The following SKI variants were observed in gnomAD, a reference collection of about 807,000 sequenced individuals.
SKI encodes the protein SKI proto-oncogene.
Under a neutral mutation model 59.3 loss-of-function variants are expected in SKI, and 23 were observed. The observed-to-expected ratio is 0.39, with a 90% confidence interval of 0.28 to 0.55. SKI has a LOEUF of 0.55. SKI is among the 20% of genes least tolerant of loss of function. The pLI is 0.67. For missense variants in SKI, 1,017 were observed against 1,038.9 expected (o/e 0.98, Z 0.29); for synonymous variants, 673 against 488.6 (o/e 1.38, Z -4.98).
chr1:2,285,673 T>C (rs539576384), intron 1 of SKI, among the ~76,000 whole-genome samples: 3 of 150,350 alleles, frequency 2.0e-5, no homozygotes, highest in Admixed American at 2.0e-4. Context: ...CAGGCAGTTC[T>C]CTGCCTCAGC....
chr1:2,259,535 GT>G (rs1639339514), intron 1 of SKI, among the ~76,000 whole-genome samples: 1 of 152,176 alleles, frequency 6.6e-6, no homozygotes, highest in African/African-American at 2.4e-5. Context: ...TTGCTGTGTA[GT>G]TATTTTTTAA....
intron 1 of SKI, among the ~76,000 whole-genome samples, chr1:2,276,515 C>T (rs1639747024): frequency 1.3e-5 from 2 of 152,246 alleles, no homozygotes; most frequent in Admixed American, 6.5e-5. Context: ...CCTGTCTGTG[C>T]CTCTAGAGGC....
At position 2,271,303 on chromosome 1, in the gene SKI, C is replaced by T. The variant is rs532437049; in HGVS notation, c.970-31675C>T. On this transcript the variant is annotated intron_variant, in intron 1 of 6. Coordinates refer to ENST00000378536, the MANE Select transcript of SKI (RefSeq NM_003036.4). ...TGTCCTCCCCTCAGAAGAGTCTGCT[C>T]GGTGGGGGAGCCGCAGGGGGCTGCT... Among the ~76,000 whole-genome samples the T allele has an allele frequency of 1.1e-4, 16 of 152,168 alleles. No homozygotes were observed. The South Asian group carries it at 1.7e-3, about 16-fold the overall frequency.
chr1:2,297,972 G>A (rs1640326202), intron 1 of SKI, among the ~76,000 whole-genome samples: 1 of 152,224 alleles, frequency 6.6e-6, no homozygotes, highest in Non-Finnish European at 1.5e-5. Context: ...GCCTTGGGGT[G>A]TAGCCGCAAG....
chr1:2,236,979 T>C (rs944367972), intron 1 of SKI, among the ~76,000 whole-genome samples: 2 of 152,200 alleles, frequency 1.3e-5, no homozygotes, highest in Non-Finnish European at 2.9e-5. Flanking sequence ...CAGCTCAGGC[T>C]GGCGGCCTCA....
intron 1 of SKI, among the ~76,000 whole-genome samples, chr1:2,289,724 C>T (rs1309932494): frequency 6.6e-6 from 1 of 152,140 alleles, no homozygotes; most frequent in East Asian, 1.9e-4. Context: ...TTGAGATGAC[C>T]ACAGCTCTCA....
Position 2,304,106 on chromosome 1 carries a change from CGT to C in SKI, c.1474+8_1474+9del, listed in dbSNP as rs1569860802. 1.2e-6 allele frequency: 2 copies of C among 1,612,192 alleles called. No individual in the cohort carries two copies. On this transcript the variant is annotated splice_donor_5th_base_variant and intron_variant, in intron 4 of 6. Coordinates refer to ENST00000378536, the MANE Select transcript of SKI (RefSeq NM_003036.4). ...GAAGTTGAAAGCAGGGAGGAATGTACGTGTGAGTCGCTTTCTGTGCCTCCTCC... is the reference window on the plus strand; with the variant it reads ...GAAGTTGAAAGCAGGGAGGAATGTACGTGAGTCGCTTTCTGTGCCTCCTCC...
rs1391214846 is a variant in SKI at position 2,304,493 on chromosome 1, A to G, written c.1675A>G (p.Lys559Glu). ...LEGGLDTKEA[K>E]EKFLHEVVKM... ...GGGCGGCCTGGACACCAAGGAAGCC[A>G]AAGAGAAGTTCCTGCATGAGGTGGT... Residue 559 changes from lysine to glutamate, a missense_variant, in exon 5 of 7, where the codon AAA becomes GAA. Coordinates refer to ENST00000378536, the MANE Select transcript of SKI (RefSeq NM_003036.4). 1 of 1,579,968 alleles carries G rather than the reference A, an allele frequency of 6.3e-7. No individual in the cohort carries two copies.
In SKI at chr1:2,303,756, C is replaced by T; in HGVS notation, c.1212-84C>T. The T allele has an allele frequency of 1.3e-6, 2 of 1,541,498 alleles. No homozygotes were observed. Among genetic ancestry groups the T allele is most frequent in the East Asian group, 2.3e-5 (1 of 43,468 alleles). On this transcript the variant is annotated intron_variant, in intron 3 of 6. Coordinates refer to ENST00000378536, the MANE Select transcript of SKI (RefSeq NM_003036.4). The surrounding 1 kb of genome is among the most constrained non-coding windows in gnomAD (Gnocchi z 5.6). ...CTGGGAAAGTCTTTCCTGTTTAACACCTTCAGAGGGGGTGTGCGCCAGGAT... is the reference window on the plus strand; with the variant it reads ...CTGGGAAAGTCTTTCCTGTTTAACATCTTCAGAGGGGGTGTGCGCCAGGAT...
At chr1:2,244,022 A>G (rs1045170903) in intron 1 of SKI, among the ~76,000 whole-genome samples, 7 of 151,942 alleles carry the variant, frequency 4.6e-5, no homozygotes, top group South Asian at 2.1e-4. Flanking sequence ...CTGGAGTGCA[A>G]TGGCATGATC....
In SKI at chr1:2,304,485, A is replaced by G. The variant is rs1383612696; in HGVS notation, c.1667A>G (p.Lys556Arg). ...RQALEGGLDT[K>R]EAKEKFLHEV... ...GCACTGGAGGGCGGCCTGGACACCA[A>G]GGAAGCCAAAGAGAAGTTCCTGCAT... The change falls in exon 5 of 7, where the codon AAG (lysine) becomes AGG (arginine). Residue 556 changes from lysine to arginine, a missense_variant. Physicochemically the swap from Lys to Arg is conservative, Grantham distance 26. Transcript: ENST00000378536. The G allele has an allele frequency of 1.3e-6, 2 of 1,578,100 alleles. No individual in the cohort carries two copies. Among genetic ancestry groups the G allele is most frequent in the East Asian group, 2.4e-5 (1 of 42,360 alleles).
chr1:2,289,116 C>T (rs149336628), intron 1 of SKI, among the ~76,000 whole-genome samples: 237 of 152,324 alleles, frequency 1.6e-3, no homozygotes, highest in African/African-American at 5.4e-3. Flanking sequence ...CTCAGGCCCT[C>T]AGGACCCAGC....
chr1:2,279,033 C>G (rs1305777708), intron 1 of SKI, among the ~76,000 whole-genome samples: 1 of 152,212 alleles, frequency 6.6e-6, no homozygotes, highest in Non-Finnish European at 1.5e-5. Flanking sequence ...GTGGCCGTCA[C>G]TCTGGCCAGC....
At chr1:2,302,518 C>T (rs1211656094) in intron 1 of SKI, among the ~76,000 whole-genome samples, 5 of 152,266 alleles carry the variant, frequency 3.3e-5, no homozygotes, top group South Asian at 2.1e-4. Flanking sequence ...GAGTGGCTCT[C>T]GCCGTGCTGT....
chr1:2,265,165 T>C (rs1168285144), intron 1 of SKI, among the ~76,000 whole-genome samples: 2 of 152,216 alleles, frequency 1.3e-5, no homozygotes, highest in African/African-American at 4.8e-5. Flanking sequence ...GCCACTTTGC[T>C]GTGGTTTCCC....
chr1:2,237,335 C>T (rs952810337), intron 1 of SKI, among the ~76,000 whole-genome samples: 2 of 152,192 alleles, frequency 1.3e-5, no homozygotes, highest in South Asian at 4.1e-4. Context: ...GTGCTCCCTG[C>T]GGTGCTCCTG....
intron 1 of SKI, among the ~76,000 whole-genome samples, chr1:2,252,411 C>A (rs186881641): frequency 6.6e-6 from 1 of 152,274 alleles, no homozygotes; most frequent in East Asian, 1.9e-4. Flanking sequence ...CTCAGCCTCC[C>A]CAGAAGCAGC....
rs1639553392 is a variant in SKI, at chr1:2,268,814, C to T, written c.970-34164C>T. Among the ~76,000 whole-genome samples, 1 of 152,152 alleles carries T rather than the reference C, an allele frequency of 6.6e-6. No individual in the cohort carries two copies. Among genetic ancestry groups the T allele is most frequent in the Non-Finnish European group, 1.5e-5 (1 of 68,024 alleles). On this transcript the variant is annotated intron_variant, in intron 1 of 6. Coordinates refer to ENST00000378536, the MANE Select transcript of SKI (RefSeq NM_003036.4). This position sits in a 1 kb window ranked among gnomAD's most constrained non-coding sequence, Gnocchi z 5.0. ...GTGCCTTCTGGCCCCACCCAGAGAGCCCCAGCTGCTGTGCTGCCGTATTCT... is the reference window on the plus strand; with the variant it reads ...GTGCCTTCTGGCCCCACCCAGAGAGTCCCAGCTGCTGTGCTGCCGTATTCT...
rs932227092 is a variant in SKI at position 2,267,322 on chromosome 1, G to A, written c.970-35656G>A. On this transcript the variant is annotated intron_variant, in intron 1 of 6. Coordinates refer to ENST00000378536, the MANE Select transcript of SKI (RefSeq NM_003036.4). This position sits in a 1 kb window ranked among gnomAD's most constrained non-coding sequence, Gnocchi z 4.1. ...TCAGAATTCAGCTTGCGCGGGCTGC[G>A]GTGGAGTTCTGGGGTTTGTTTGTGG... is the stretch of plus-strand genomic sequence containing the variant. 1.3e-5 allele frequency among the ~76,000 whole-genome samples: 2 copies of A among 152,194 alleles called. No homozygotes were observed. Among genetic ancestry groups the A allele is most frequent in the Non-Finnish European group, 2.9e-5 (2 of 68,042 alleles).
Sources: allele counts gnomAD v4.1 joint callset (sites outside exome capture counted in the v4.1 genomes callset), GRCh38; gene constraint gnomAD v4.1.1; non-coding constraint Gnocchi (gnomAD v3.1); transcripts MANE v1.5; gene names NCBI Gene and HGNC (gene_info 2026-07-23, HGNC 2026-07-21).